CLVS1: variants seen among roughly 807,000 people sequenced by gnomAD.
The protein encoded by CLVS1 is clavesin 1, also known as clavesin-1.
A neutral mutation model predicts 33.1 loss-of-function variants in CLVS1; 10 were observed. The observed-to-expected ratio is 0.30, with a 90% CI of 0.19 to 0.51. The LOEUF (loss-of-function observed/expected upper bound fraction) is 0.51, where lower values mean the gene tolerates loss of function less well. Ranked by LOEUF, CLVS1 falls within the 20% of genes least tolerant of loss-of-function variation. The probability of loss-of-function intolerance (pLI) is 0.97; values close to 1 mark genes in which losing one functional copy is unlikely to be tolerated. For synonymous variants in CLVS1, 163 were observed against 166.1 expected (o/e 0.98, Z 0.14); for missense variants, 343 against 433.4 (o/e 0.79, Z 1.85).
chr8:60,996,165 A>G, the CLVS1 span, among the ~76,000 whole-genome samples: 11 of 152,354 alleles, frequency 7.2e-5, no homozygotes, highest in East Asian at 2.1e-3. Context: ...AGTATAATAA[A>G]AAAAAAATTC....
intron 4 of CLVS1, 84 bp downstream of exon 4, chr8:61,454,335 C>T: frequency 3.1e-6 from 3 of 966,360 alleles, no homozygotes; most frequent in South Asian, 2.6e-5. Context: ...CTCCTTTCCC[C>T]CCTTTTTCTC....
intron 2 of CLVS1, among the ~76,000 whole-genome samples, chr8:61,363,034 T>C (rs1351529946): frequency 5.3e-5 from 8 of 152,170 alleles, no homozygotes; most frequent in Admixed American, 3.3e-4. Context: ...CATCAACTTG[T>C]AGCAGGCAAG....
intron 2 of CLVS1, among the ~76,000 whole-genome samples, chr8:61,153,685 C>G (rs1033543043): frequency 6.6e-6 from 1 of 152,122 alleles, no homozygotes; most frequent in Non-Finnish European, 1.5e-5. Context: ...GAAGGTGCCT[C>G]GTGGTCTCAG....
intron 2 of CLVS1, among the ~76,000 whole-genome samples, chr8:61,320,707 A>T (rs142912752): frequency 6.6e-6 from 1 of 152,292 alleles, no homozygotes; most frequent in Non-Finnish European, 1.5e-5. Flanking sequence ...AGGAGAAAAC[A>T]AGTTCTCTAG....
At chr8:61,253,984 C>A (rs769136009) in intron 2 of CLVS1, among the ~76,000 whole-genome samples, 42 of 151,492 alleles carry the variant, frequency 2.8e-4, no homozygotes, top group African/African-American at 1.0e-3. Flanking sequence ...CCTTTGGAGG[C>A]GGAGAGGCGC....
intron 2 of CLVS1, among the ~76,000 whole-genome samples, chr8:61,205,876 T>C (rs1807828464): frequency 6.6e-6 from 1 of 152,204 alleles, no homozygotes; most frequent in South Asian, 2.1e-4. Flanking sequence ...TTAAACTCAC[T>C]GATCTCTACT....
chr8:61,376,111 T>C (rs1465467387), intron 2 of CLVS1, among the ~76,000 whole-genome samples: 1 of 152,202 alleles, frequency 6.6e-6, no homozygotes, highest in Admixed American at 6.5e-5. Flanking sequence ...TTCTACATTC[T>C]TAGCAGGATT....
intron 5 of CLVS1, 48 bp from the exon 6 acceptor site, chr8:61,499,407 C>A: frequency 7.3e-7 from 1 of 1,370,696 alleles, no homozygotes; most frequent in South Asian, 1.2e-5. Flanking sequence ...CCAAAATTGT[C>A]ACCATGAATT....
chr8:61,135,136 AAG>A (rs1563415916), intron 2 of CLVS1, among the ~76,000 whole-genome samples: 1 of 151,720 alleles, frequency 6.6e-6, no homozygotes, highest in African/African-American at 2.4e-5. Context: ...GAAAGCCAAA[AAG>A]AGAAAAGACT....
intron 3 of CLVS1, among the ~76,000 whole-genome samples, chr8:61,379,009 G>A (rs993513424): frequency 6.6e-6 from 1 of 152,136 alleles, no homozygotes; most frequent in African/African-American, 2.4e-5. Flanking sequence ...CAACACCACT[G>A]GCAGACTTTA....
chr8:61,446,467 G>A (rs147726464), intron 3 of CLVS1, among the ~76,000 whole-genome samples: 2 of 152,252 alleles, frequency 1.3e-5, no homozygotes, highest in East Asian at 3.9e-4. Context: ...AAGTTGAGAG[G>A]TTGTATCTGT....
chr8:61,123,771 T>G (rs1805921622), intron 1 of CLVS1, among the ~76,000 whole-genome samples: 2 of 152,158 alleles, frequency 1.3e-5, no homozygotes, highest in Non-Finnish European at 2.9e-5. Context: ...TGACCCCTGC[T>G]CACTCAGCCA....
At chr8:61,049,558 T>C in the CLVS1 span, among the ~76,000 whole-genome samples, 1 of 152,194 alleles carries the variant, frequency 6.6e-6, no homozygotes, top group African/African-American at 2.4e-5. Flanking sequence ...TGAGGTCCAG[T>C]TGGAAACAAA....
At chr8:61,455,817 C>T (rs11986526) in intron 4 of CLVS1, among the ~76,000 whole-genome samples, 22,467 of 152,110 alleles carry the variant, frequency 0.15, 4,532 homozygotes, top group African/African-American at 0.46. Context: ...AGGGATTCCC[C>T]GCCACCTCCC....
chr8:61,290,396 A>T (rs938854721), intron 1 of CLVS1, among the ~76,000 whole-genome samples: 1 of 152,168 alleles, frequency 6.6e-6, no homozygotes, highest in African/African-American at 2.4e-5. Flanking sequence ...AACAGAAATT[A>T]CTCATTTTTA....
intron 1 of CLVS1, among the ~76,000 whole-genome samples, chr8:61,101,971 TACC>T (rs1179237080): frequency 6.6e-6 from 1 of 152,186 alleles, no homozygotes; most frequent in African/African-American, 2.4e-5. Flanking sequence ...TGTACCACAG[TACC>T]ACACTGTTTT....
chr8:61,238,791 T>C (rs1585713685), intron 2 of CLVS1, among the ~76,000 whole-genome samples: 1 of 152,272 alleles, frequency 6.6e-6, no homozygotes, highest in Non-Finnish European at 1.5e-5. Flanking sequence ...ATTTAATCAA[T>C]CTGCTATTGG....
rs552985635 is a variant in CLVS1, at chr8:61,069,630, C to T, written c.-243+12400C>T. Among the ~76,000 whole-genome samples the T allele has an allele frequency of 2.0e-5, 3 of 152,270 alleles. No homozygotes were observed. In the South Asian group the frequency reaches 6.2e-4, roughly 32 times the overall value. On this transcript the variant is annotated intron_variant, in intron 1 of 2. Transcript: ENST00000522621. ...TTTCTGCTTCCTCTCACCTAGTTCA[C>T]TTACTGTTCTCAGTTCTGCTCCCAA...
chr8:61,404,058 G>A (rs1034059676), intron 3 of CLVS1, among the ~76,000 whole-genome samples: 1 of 152,212 alleles, frequency 6.6e-6, no homozygotes, highest in Non-Finnish European at 1.5e-5. Flanking sequence ...GTGAGTGTGA[G>A]CAGAACCCTG....
Sources: gnomAD v4.1 joint callset for allele counts (sites outside exome capture counted in the v4.1 genomes callset) on GRCh38, gnomAD v4.1.1 for gene constraint, MANE v1.5 for transcripts, NCBI Gene and HGNC (gene_info 2026-07-23, HGNC 2026-07-21) for gene names.